Variants in SKA1 observed in about 807,000 individuals in gnomAD.
SKA1 encodes spindle and kinetochore associated complex subunit 1.
SKA1 carries 20 observed loss-of-function variants against 31.8 expected under a neutral mutation model. The observed-to-expected ratio is 0.63, with a 90% confidence interval of 0.44 to 0.91. The LOEUF (loss-of-function observed/expected upper bound fraction) is 0.91, where lower values mean the gene tolerates loss of function less well. Among genes scored for constraint, SKA1 ranks in the 40% least tolerant of loss-of-function variants. The probability of loss-of-function intolerance (pLI) is 0.00; values close to 1 mark genes in which losing one functional copy is unlikely to be tolerated. For missense variants in SKA1, 253 were observed against 298.2 expected, an observed-to-expected ratio of 0.85 and a Z score of 1.12; for synonymous variants, 88 against 100.5, an observed-to-expected ratio of 0.88 and a Z score of 0.74.
At chr18:50,379,343 C>T (rs562530325) in intron 2 of SKA1, among the ~76,000 whole-genome samples, 5 of 152,098 alleles carry the variant, frequency 3.3e-5, no homozygotes, top group Non-Finnish European at 5.9e-5. Flanking sequence ...TTATCACCAG[C>T]TTGTGACTTT....
rs771207302 is a variant in SKA1, at chr18:50,375,838, C to T, written c.8C>T (p.Ser3Leu). The T allele has an allele frequency of 2.5e-6, 4 of 1,603,266 alleles. No homozygotes were observed. Among genetic ancestry groups the T allele is most frequent in the East Asian group, 4.5e-5 (2 of 44,576 alleles). The change falls in exon 2 of 7, where the codon TCG (serine) becomes TTG (leucine). Residue 3 changes from serine to leucine, a missense_variant. Coordinates refer to ENST00000285116, the MANE Select transcript of SKA1 (RefSeq NM_145060.4). MA[S>L]SDLEQLCSHV... is the part of the protein sequence containing the mutation. ...TCTTCAGAGGCTTAAAGGATGGCCT[C>T]GTCAGATCTGGAACAATTATGCTCT...
chr18:50,379,256 C>T (rs889914584), intron 2 of SKA1, among the ~76,000 whole-genome samples: 4 of 151,990 alleles, frequency 2.6e-5, no homozygotes, highest in Non-Finnish European at 5.9e-5. Flanking sequence ...GAGAGGGGTG[C>T]TAGGAGGTGG....
Position 50,392,522 on chromosome 18 carries a change from C to T in SKA1, c.*275C>T, listed in dbSNP as rs532595671. ...TGGCTGGGACTACAAGCGTGCGCCA[C>T]CATGCCTGGCTAATTTTTGTATTTT... On this transcript the variant is annotated 3_prime_UTR_variant, in exon 7 of 7. Transcript: ENST00000285116. The T allele has an allele frequency of 1.1e-4, 23 of 206,856 alleles. No homozygotes were observed. Among genetic ancestry groups the T allele is most frequent in the African/African-American group, 4.6e-4 (20 of 43,448 alleles). The allele number at this position is 206,856 out of a possible 1,614,324, so 12.8% of individuals were successfully genotyped here. A position where few individuals can be genotyped will look rare whatever the true frequency, so the allele number is the denominator to read the frequency against.
Position 50,385,340 on chromosome 18 carries a change from A to G in SKA1, c.436A>G (p.Asn146Asp). The G allele has an allele frequency of 6.2e-7, 1 of 1,609,018 alleles. No individual in the cohort carries two copies. Among genetic ancestry groups the G allele is most frequent in the Non-Finnish European group, 8.5e-7 (1 of 1,178,118 alleles). Residue 146 changes from asparagine to aspartate, a missense_variant, in exon 5 of 7, where the codon AAT (asparagine) becomes GAT (aspartate). Transcript: ENST00000285116. Reference protein sequence around the residue: ...EMPFITCDEFNGVPSYMKSRL... With the variant: ...EMPFITCDEFDGVPSYMKSRL... ...GCCATTTATAACTTGTGATGAGTTC[A>G]ATGGTGTTCCTTCGTAAGTATTTAA...
chr18:50,383,079 C>CT (rs2041275598), intron 4 of SKA1, among the ~76,000 whole-genome samples: 2 of 152,078 alleles, frequency 1.3e-5, no homozygotes, highest in Non-Finnish European at 2.9e-5. Context: ...AAGCTTAGCT[C>CT]TTTTTTCCCC....
At chr18:50,377,948 A>G (rs976719984) in intron 2 of SKA1, among the ~76,000 whole-genome samples, 2 of 152,150 alleles carry the variant, frequency 1.3e-5, no homozygotes, top group African/African-American at 4.8e-5. Flanking sequence ...CCCTGACCTC[A>G]CACCTGAGGA....
At chr18:50,384,871 T>TAAAA (rs10608403) in intron 4 of SKA1, among the ~76,000 whole-genome samples, 1 of 82,600 alleles carries the variant, frequency 1.2e-5, no homozygotes, top group Non-Finnish European at 2.1e-5. Flanking sequence ...AAAAAAAAAT[T>TAAAA]AAAAAAAAAA....
At chr18:50,376,051 A>G (rs1290677759) in intron 2 of SKA1, 133 bp downstream of exon 2, 16 of 569,844 alleles carry the variant, frequency 2.8e-5, no homozygotes, top group Non-Finnish European at 3.4e-5. Context: ...GATTTTTTAA[A>G]TAGTCCAATG....
At position 50,382,233 on chromosome 18, in the gene SKA1, G is replaced by C; in HGVS notation, c.311+7G>C. 1 of 1,445,932 alleles carries C rather than the reference G, an allele frequency of 6.9e-7. No homozygotes were observed. The highest frequency in any genetic ancestry group is 9.2e-7 in the Non-Finnish European group (1 of 1,084,738). 89.6% of individuals were successfully genotyped at this position (1,445,932 alleles called of 1,614,324 possible). A position where few individuals can be genotyped will look rare whatever the true frequency, so the allele number is the denominator to read the frequency against. ...TAACAGTAACCCAGAGCTGGTAAGTGTATTTATAATTATTCTTGCTATCTG... is the reference window on the plus strand; with the variant it reads ...TAACAGTAACCCAGAGCTGGTAAGTCTATTTATAATTATTCTTGCTATCTG... On this transcript the variant is annotated splice_region_variant and intron_variant, in intron 4 of 6. Coordinates refer to ENST00000285116, the MANE Select transcript of SKA1 (RefSeq NM_145060.4).
At position 50,383,810 on chromosome 18, in the gene SKA1, C is replaced by T. The variant is rs16951832; in HGVS notation, c.312-1406C>T. Among the ~76,000 whole-genome samples the T allele has an allele frequency of 7.3e-3, 1,116 of 152,330 alleles. 10 individuals are homozygous for T. Among genetic ancestry groups the T allele is most frequent in the African/African-American group, 0.025 (1,058 of 41,576 alleles). On this transcript the variant is annotated intron_variant, in intron 4 of 6. Coordinates refer to ENST00000285116, the MANE Select transcript of SKA1 (RefSeq NM_145060.4). ...GGGAGCCAATCAGGTGCTTCCTCAA[C>T]ACATGGTCAAGACAAACAAGTACAG...
intron 5 of SKA1, among the ~76,000 whole-genome samples, chr18:50,386,533 G>A (rs1008523786): frequency 1.3e-5 from 2 of 152,174 alleles, no homozygotes; most frequent in Non-Finnish European, 2.9e-5. Flanking sequence ...TGACATATCT[G>A]TTACAGTTGT....
At chr18:50,375,747 C>T (rs1252174215) in intron 1 of SKA1, 73 bp from the exon 2 acceptor site, 6 of 926,460 alleles carry the variant, frequency 6.5e-6, no homozygotes. Flanking sequence ...ATTGACCATT[C>T]TTGGATTTCG....
intron 1 of SKA1, among the ~76,000 whole-genome samples, chr18:50,375,478 A>T (rs549670424): frequency 7.2e-5 from 11 of 152,340 alleles, no homozygotes; most frequent in African/African-American, 9.6e-5. Context: ...ACACATTTTT[A>T]AAAAATGTGT....
intron 3 of SKA1, 96 bp from the exon 4 acceptor site, chr18:50,382,033 T>C: frequency 1.3e-6 from 1 of 770,294 alleles, no homozygotes; most frequent in Non-Finnish European, 2.1e-6. Context: ...CCACAGTCAC[T>C]GTGATTATGG....
Position 50,382,236 on chromosome 18 carries a change from T to G in SKA1, c.311+10T>G. Reference sequence around the variant, plus strand: ...CAGTAACCCAGAGCTGGTAAGTGTATTTATAATTATTCTTGCTATCTGGAT... The same window carrying G: ...CAGTAACCCAGAGCTGGTAAGTGTAGTTATAATTATTCTTGCTATCTGGAT... On this transcript the variant is annotated intron_variant, in intron 4 of 6. Transcript: ENST00000285116. 7.0e-7 allele frequency: 1 copy of G among 1,422,122 alleles called. No homozygotes were observed. The highest frequency in any genetic ancestry group is 1.4e-5 in the South Asian group (1 of 70,262). The allele number at this position is 1,422,122 out of a possible 1,614,324, so 88.1% of individuals were successfully genotyped here. A position where few individuals can be genotyped will look rare whatever the true frequency, so the allele number is the denominator to read the frequency against.
At position 50,392,349 on chromosome 18, in the gene SKA1, TTCC is replaced by T. The variant is rs2041364695; in HGVS notation, c.*104_*106del. On this transcript the variant is annotated 3_prime_UTR_variant, in exon 7 of 7. Transcript: ENST00000285116. ...TTTTTTAACTTTTAATCTTTTTTGT[TTCC>T]TTTTTTTTTTTTTTGAGACAGGATC... 6 of 801,364 alleles carry T rather than the reference TTCC, an allele frequency of 7.5e-6. No individual in the cohort carries two copies. Among genetic ancestry groups the T allele is most frequent in the Non-Finnish European group, 1.0e-5 (6 of 593,116 alleles). The allele number at this position is 801,364 out of a possible 1,614,324, so 49.6% of individuals were successfully genotyped here.
rs1599720147 is a variant in SKA1 at position 50,375,180 on chromosome 18, C to T, written c.-26C>T. On this transcript the variant is annotated 5_prime_UTR_variant, in exon 1 of 7. Transcript: ENST00000285116. The stretch of plus-strand genomic sequence containing the variant: ...CCCAGCGGCGAGTAGCCTTTTGCTC[C>T]CGGACGGACTTGAGGTTGGAGTCTG... The T allele has an allele frequency of 6.6e-6, 1 of 152,640 alleles. No homozygotes were observed. The highest frequency in any genetic ancestry group is 2.1e-4 in the South Asian group (1 of 4,830). The allele number at this position is 152,640 out of a possible 1,614,324, so 9.5% of individuals were successfully genotyped here.
chr18:50,391,345 A>G (rs2041355304), intron 6 of SKA1, 52 bp downstream of exon 6: 23 of 1,343,486 alleles, frequency 1.7e-5, no homozygotes, highest in Non-Finnish European at 2.2e-5. Flanking sequence ...GAGTATAACT[A>G]AATCACGAGA....
At chr18:50,383,223 CAA>C (rs2041276671) in intron 4 of SKA1, among the ~76,000 whole-genome samples, 1 of 152,108 alleles carries the variant, frequency 6.6e-6, no homozygotes, top group South Asian at 2.1e-4. Context: ...ATGAAGAGGT[CAA>C]AAATCCCTCG....
Sources: gnomAD v4.1 joint callset for allele counts (sites outside exome capture counted in the v4.1 genomes callset) on GRCh38, gnomAD v4.1.1 for gene constraint, MANE v1.5 for transcripts, NCBI Gene and HGNC (gene_info 2026-07-23, HGNC 2026-07-21) for gene names.